The following C1GALT1 variants were observed in gnomAD, a reference collection of about 807,000 sequenced individuals.
The protein encoded by C1GALT1 is glycoprotein-N-acetylgalactosamine 3-beta-galactosyltransferase 1.
In C1GALT1, 11 loss-of-function variants were observed where a neutral mutation model predicts 31.0. That is an observed-to-expected ratio of 0.36 (90% CI 0.22 to 0.59). The LOEUF (loss-of-function observed/expected upper bound fraction) is 0.59. C1GALT1 is among the 20% of genes least tolerant of loss of function. C1GALT1 has a pLI of 0.79. For missense variants in C1GALT1, 424 were observed against 425.2 expected (o/e 1.00, Z 0.03); for synonymous variants, 175 against 143.6 (o/e 1.22, Z -1.56).
At chr7:7,208,059 T>C (rs79125604) in intron 1 of C1GALT1, among the ~76,000 whole-genome samples, 5,614 of 152,258 alleles carry the variant, frequency 0.037, 212 homozygotes, top group African/African-American at 0.1. Flanking sequence ...TGTTTCAACC[T>C]GCTTGGGACA....
intron 1 of C1GALT1, among the ~76,000 whole-genome samples, chr7:7,190,814 C>T (rs1781038492): frequency 6.6e-6 from 1 of 152,084 alleles, no homozygotes; most frequent in Admixed American, 6.5e-5. Flanking sequence ...CCCAGTTACA[C>T]CCACATGTTT....
intron 1 of C1GALT1, among the ~76,000 whole-genome samples, chr7:7,183,318 C>G (rs1192378402): frequency 6.6e-6 from 1 of 152,128 alleles, no homozygotes; most frequent in African/African-American, 2.4e-5. Context: ...ACTCGGCTGC[C>G]GCGCCGCCTG....
At chr7:7,186,754 C>T (rs1015987109) in intron 1 of C1GALT1, among the ~76,000 whole-genome samples, 1 of 152,104 alleles carries the variant, frequency 6.6e-6, no homozygotes, top group African/African-American at 2.4e-5. Context: ...GACCCTGGCA[C>T]GTTTGAGGAA....
At chr7:7,173,638 C>T (rs989035977) in intron 2 of C1GALT1, among the ~76,000 whole-genome samples, 2 of 152,310 alleles carry the variant, frequency 1.3e-5, no homozygotes, top group South Asian at 2.1e-4. Context: ...CACAATGGCT[C>T]ATGCCTGTAA....
intron 1 of C1GALT1, among the ~76,000 whole-genome samples, chr7:7,209,955 A>G (rs1472413008): frequency 1.3e-5 from 2 of 152,110 alleles, no homozygotes; most frequent in Non-Finnish European, 2.9e-5. Context: ...GGCGGGGGAC[A>G]CAAGGTGCTC....
At chr7:7,171,114 ATG>A (rs1256383815) in intron 2 of C1GALT1, among the ~76,000 whole-genome samples, 4 of 44,704 alleles carry the variant, frequency 8.9e-5, no homozygotes, top group South Asian at 1.0e-3. Flanking sequence ...CTATATACAC[ATG>A]TTAGGTCTAG....
chr7:7,167,252 G>C (rs1780408420), intron 2 of C1GALT1, among the ~76,000 whole-genome samples: 1 of 152,162 alleles, frequency 6.6e-6, no homozygotes, highest in South Asian at 2.1e-4. Flanking sequence ...GAGAGCAACA[G>C]GTCCTGTTTC....
At chr7:7,198,883 C>T (rs962074987) in intron 1 of C1GALT1, among the ~76,000 whole-genome samples, 2 of 151,998 alleles carry the variant, frequency 1.3e-5, no homozygotes, top group Non-Finnish European at 2.9e-5. Context: ...TGGTGATATG[C>T]CCTTTATCAT....
chr7:7,217,186 A>C (rs925576968), intron 1 of C1GALT1, among the ~76,000 whole-genome samples: 1 of 152,192 alleles, frequency 6.6e-6, no homozygotes, highest in Non-Finnish European at 1.5e-5. Flanking sequence ...GGTTCTTGGT[A>C]CTCATGCTGG....
At chr7:7,158,988 T>A (rs1266255349) in intron 2 of C1GALT1, among the ~76,000 whole-genome samples, 1 of 152,164 alleles carries the variant, frequency 6.6e-6, no homozygotes, top group African/African-American at 2.4e-5. Flanking sequence ...CATAAACTAT[T>A]AAGGGGTTCA....
At chr7:7,179,064 C>T (rs919614243), upstream of C1GALT1, among the ~76,000 whole-genome samples, 18 of 152,138 alleles carry the variant, frequency 1.2e-4, no homozygotes, top group African/African-American at 4.3e-4. Flanking sequence ...TGTCAGAAGG[C>T]CTCAATACCT....
At chr7:7,168,779 T>C (rs1215585091) in intron 2 of C1GALT1, among the ~76,000 whole-genome samples, 2 of 152,212 alleles carry the variant, frequency 1.3e-5, no homozygotes, top group Non-Finnish European at 2.9e-5. Flanking sequence ...AGCAATACAT[T>C]TGCCTTTTCT....
chr7:7,193,573 T>A (rs1214582492), intron 1 of C1GALT1, among the ~76,000 whole-genome samples: 2 of 152,204 alleles, frequency 1.3e-5, no homozygotes, highest in African/African-American at 4.8e-5. Flanking sequence ...TTAGTTTAGT[T>A]TGAAGTCGGG....
At chr7:7,230,662 T>G (rs1368569193) in intron 1 of C1GALT1, among the ~76,000 whole-genome samples, 2 of 151,612 alleles carry the variant, frequency 1.3e-5, no homozygotes, top group African/African-American at 4.8e-5. Context: ...ATTTGGGGTA[T>G]TTTCCCATTT....
chr7:7,209,575 T>TA (rs1338758076), intron 1 of C1GALT1: 2 of 152,356 alleles, frequency 1.3e-5, no homozygotes, highest in African/African-American at 4.8e-5. Context: ...AGGTATGTCT[T>TA]ACAGCCTTCT....
chr7:7,234,810 G>A (rs1014562732), intron 2 of C1GALT1: 3 of 249,832 alleles, frequency 1.2e-5, no homozygotes, highest in African/African-American at 6.8e-5. Flanking sequence ...TTCTGAAAAT[G>A]TTTTTCTAGG....
intron 1 of C1GALT1, among the ~76,000 whole-genome samples, chr7:7,207,906 A>G (rs1781823537): frequency 6.6e-6 from 1 of 152,160 alleles, no homozygotes; most frequent in African/African-American, 2.4e-5. Context: ...ATGTAATACA[A>G]TAGTCCCTCT....
At position 7,182,786 on chromosome 7, in the gene C1GALT1, C is replaced by A. The variant is rs564359604; in HGVS notation, c.-52C>A. 10 of 985,542 alleles carry A rather than the reference C, an allele frequency of 1.0e-5. No homozygotes were observed. The East Asian group carries it at 9.1e-4, about 90-fold the overall frequency. 61.0% of individuals were successfully genotyped at this position (985,542 alleles called of 1,614,324 possible). The stretch of plus-strand genomic sequence containing the variant: ...CCAAGTCGTCCCCCTCTCCGCCCCC[C>A]AGGAGGGGCGAGAGGGAGCCGCAGC... On this transcript the variant is annotated 5_prime_UTR_variant, in exon 1 of 4. Transcript: ENST00000436587.
At chr7:7,190,574 A>G (rs1781024515) in intron 1 of C1GALT1, among the ~76,000 whole-genome samples, 1 of 151,998 alleles carries the variant, frequency 6.6e-6, no homozygotes, top group South Asian at 2.1e-4. Flanking sequence ...TAAATACCAA[A>G]TTGTTTTCAT....
Sources: gnomAD v4.1 joint callset for allele counts (sites outside exome capture counted in the v4.1 genomes callset) on GRCh38, gnomAD v4.1.1 for gene constraint, MANE v1.5 for transcripts, NCBI Gene and HGNC (gene_info 2026-07-23, HGNC 2026-07-21) for gene names.